FAF1: variants seen among roughly 807,000 people sequenced by gnomAD.
FAF1 encodes FAS-associated factor 1.
Under a neutral mutation model 92.5 loss-of-function variants are expected in FAF1, and 25 were observed. The observed-to-expected ratio is 0.27, with a 90% CI of 0.20 to 0.38. FAF1 has a LOEUF of 0.38. Among genes scored for constraint, FAF1 ranks in the 10% least tolerant of loss-of-function variants. The probability of loss-of-function intolerance (pLI) is 1.00; values close to 1 mark genes in which losing one functional copy is unlikely to be tolerated. For synonymous variants in FAF1, 234 were observed against 273.2 expected, an observed-to-expected ratio of 0.86 and a Z score of 1.42; for missense variants, 636 against 793.3, an observed-to-expected ratio of 0.80 and a Z score of 2.38.
At position 50,960,263 on chromosome 1, in the gene FAF1, T is replaced by C. The variant is rs1355962493; in HGVS notation, c.-452A>G. 3 of 329,592 alleles carry C rather than the reference T, an allele frequency of 9.1e-6. No individual in the cohort carries two copies. Among genetic ancestry groups the C allele is most frequent in the African/African-American group, 2.2e-5 (1 of 46,160 alleles). The allele number at this position is 329,592 out of a possible 1,614,324, so 20.4% of individuals were successfully genotyped here. A position where few individuals can be genotyped will look rare whatever the true frequency, so the allele number is the denominator to read the frequency against. On this transcript the variant is annotated 5_prime_UTR_variant, in exon 1 of 19. Coordinates refer to ENST00000396153, the MANE Select transcript of FAF1 (RefSeq NM_007051.3). ...CCTCCCTGGCCGCCGCCTCCGCCCC[T>C]GGTTGGCCAGCGCCACGGCTGTCGC...
chr1:50,502,533 ATT>A (rs1171521087), intron 15 of FAF1, among the ~76,000 whole-genome samples: 1 of 152,220 alleles, frequency 6.6e-6, no homozygotes, highest in Non-Finnish European at 1.5e-5. Flanking sequence ...TATTGGTTTC[ATT>A]GACTGTTTGA....
chr1:50,913,362 C>A (rs1644899499), intron 1 of FAF1, among the ~76,000 whole-genome samples: 1 of 152,160 alleles, frequency 6.6e-6, no homozygotes, highest in African/African-American at 2.4e-5. Context: ...AGAGAAGGTA[C>A]ACCAATAAGA....
chr1:50,514,774 G>A (rs1647191641), intron 15 of FAF1, among the ~76,000 whole-genome samples: 1 of 152,164 alleles, frequency 6.6e-6, no homozygotes, highest in African/African-American at 2.4e-5. Flanking sequence ...TTTCTTTAGT[G>A]ACAGAATTTC....
intron 6 of FAF1, among the ~76,000 whole-genome samples, chr1:50,731,768 T>C (rs2124474521): frequency 6.6e-6 from 1 of 152,294 alleles, no homozygotes; most frequent in Non-Finnish European, 1.5e-5. Flanking sequence ...CTCATTTATG[T>C]TCACTTCTAA....
At chr1:50,822,958 G>C (rs1180424345) in intron 2 of FAF1, among the ~76,000 whole-genome samples, 1 of 151,924 alleles carries the variant, frequency 6.6e-6, no homozygotes, top group East Asian at 1.9e-4. Flanking sequence ...ATTTTTAGTA[G>C]AGACAGGGTT....
intron 1 of FAF1, among the ~76,000 whole-genome samples, chr1:50,906,699 G>T (rs1015597198): frequency 1.1e-4 from 17 of 152,100 alleles, no homozygotes; most frequent in Non-Finnish European, 1.9e-4. Flanking sequence ...TTGGTGTATA[G>T]GAATGCCTGT....
chr1:50,724,280 C>CACACACACACACACAT (rs1372786368), intron 6 of FAF1, among the ~76,000 whole-genome samples: 8 of 131,054 alleles, frequency 6.1e-5, no homozygotes, highest in South Asian at 2.4e-4. Flanking sequence ...TACATATACA[C>CACACACACACACACAT]ACACACACAC....
chr1:50,787,613 C>G (rs1363342555), intron 4 of FAF1, among the ~76,000 whole-genome samples: 2 of 152,066 alleles, frequency 1.3e-5, no homozygotes, highest in African/African-American at 4.8e-5. Flanking sequence ...TATAAATTAC[C>G]CAGTCTCAGG....
intron 1 of FAF1, among the ~76,000 whole-genome samples, chr1:50,871,085 C>A (rs1644524082): frequency 6.6e-6 from 1 of 152,190 alleles, no homozygotes; most frequent in African/African-American, 2.4e-5. Context: ...GAAGATTAAA[C>A]CAGTCGAAAC....
intron 7 of FAF1, among the ~76,000 whole-genome samples, chr1:50,674,977 G>A (rs566123847): frequency 4.0e-5 from 6 of 151,772 alleles, no homozygotes; most frequent in South Asian, 2.1e-4. Context: ...TGCAACCTCC[G>A]CCTCCTGGGT....
intron 8 of FAF1, among the ~76,000 whole-genome samples, chr1:50,644,047 GTTTCT>G (rs1654466679): frequency 6.6e-6 from 1 of 152,120 alleles, no homozygotes; most frequent in African/African-American, 2.4e-5. Context: ...TTCCATGTCT[GTTTCT>G]TTTGACTGAC....
intron 1 of FAF1, among the ~76,000 whole-genome samples, chr1:50,939,757 C>T (rs1645115751): frequency 6.6e-6 from 1 of 152,040 alleles, no homozygotes; most frequent in South Asian, 2.1e-4. Context: ...TTATTGAAAG[C>T]TTTTTCTGCA....
At chr1:50,556,133 G>A (rs928211736) in intron 13 of FAF1, among the ~76,000 whole-genome samples, 11 of 151,384 alleles carry the variant, frequency 7.3e-5, no homozygotes, top group Non-Finnish European at 1.5e-4. Context: ...AGCTACTCGG[G>A]AGGCTGAGGC....
chr1:50,930,028 A>T (rs568249655), intron 1 of FAF1, among the ~76,000 whole-genome samples: 2 of 152,292 alleles, frequency 1.3e-5, no homozygotes, highest in Admixed American at 1.3e-4. Flanking sequence ...GACTCCAATG[A>T]TCTATGCCAC....
At chr1:50,459,750 C>T (rs1646402381) in intron 18 of FAF1, among the ~76,000 whole-genome samples, 1 of 152,174 alleles carries the variant, frequency 6.6e-6, no homozygotes, top group South Asian at 2.1e-4. Context: ...TTTAATCCTT[C>T]CTAATCAGAA....
chr1:50,874,862 C>T (rs994143083), intron 1 of FAF1, among the ~76,000 whole-genome samples: 7 of 148,026 alleles, frequency 4.7e-5, no homozygotes, highest in Admixed American at 6.8e-5. Flanking sequence ...CTCAACCTCC[C>T]GAGCTCAAGC....
chr1:50,915,745 G>A (rs1441669731), intron 1 of FAF1, among the ~76,000 whole-genome samples: 1 of 152,048 alleles, frequency 6.6e-6, no homozygotes, highest in East Asian at 1.9e-4. Context: ...TTCTAGAGAT[G>A]TTGAAATAAA....
chr1:50,817,848 T>A (rs1643993191), intron 2 of FAF1, among the ~76,000 whole-genome samples: 1 of 152,118 alleles, frequency 6.6e-6, no homozygotes, highest in African/African-American at 2.4e-5. Flanking sequence ...ATGAATTATA[T>A]CTCAATAAAG....
rs1393264878 is a variant in FAF1 at position 50,676,012 on chromosome 1, T to C, written c.658-20484A>G. 2.6e-5 allele frequency among the ~76,000 whole-genome samples: 4 copies of C among 152,230 alleles called. No individual in the cohort carries two copies. In the East Asian group the frequency reaches 7.7e-4, roughly 29 times the overall value. ...TGTGAATTTGAACCCCTATTCTTTG[T>C]GACTTCAAAAATCAGTGGGTCTTTT... On this transcript the variant is annotated intron_variant, in intron 7 of 18. Transcript: ENST00000396153.
Sources: allele counts gnomAD v4.1 joint callset (sites outside exome capture counted in the v4.1 genomes callset), GRCh38; gene constraint gnomAD v4.1.1; transcripts MANE v1.5; gene names NCBI Gene and HGNC (gene_info 2026-07-23, HGNC 2026-07-21).